PPP2R1B: variants seen among roughly 807,000 people sequenced by gnomAD.
The protein encoded by PPP2R1B is protein phosphatase 2 scaffold subunit Abeta.
PPP2R1B carries 58 observed loss-of-function variants against 72.7 expected under a neutral mutation model. The ratio of observed to expected loss-of-function variants is 0.80; its 90% confidence interval spans 0.65 to 0.99. PPP2R1B has a LOEUF of 0.99. Among genes scored for constraint, PPP2R1B ranks in the 50% least tolerant of loss-of-function variants. PPP2R1B has a pLI of 0.00. For synonymous variants in PPP2R1B, 256 were observed against 264.6 expected, an observed-to-expected ratio of 0.97 and a Z score of 0.32; for missense variants, 695 against 733.6, an observed-to-expected ratio of 0.95 and a Z score of 0.61.
downstream of PPP2R1B, among the ~76,000 whole-genome samples, chr11:111,723,214 C>G (rs1943858372): frequency 6.6e-6 from 1 of 152,188 alleles, no homozygotes; most frequent in South Asian, 2.1e-4. Flanking sequence ...CTAGCCTCTC[C>G]AGAAGGGAAA....
Position 111,739,905 on chromosome 11 carries a change from T to A in PPP2R1B, c.*1691A>T. On this transcript the variant is annotated 3_prime_UTR_variant, in exon 15 of 15. Transcript: ENST00000527614. ...AAATAGAAACTTACTATAAGGTAAT[T>A]TGGCAGTTTAAAATGCAGACAGATA... is the stretch of plus-strand genomic sequence containing the variant. The A allele has an allele frequency of 1.0e-6, 1 of 981,974 alleles. No homozygotes were observed. Among genetic ancestry groups the A allele is most frequent in the Non-Finnish European group, 1.2e-6 (1 of 826,820 alleles). 60.8% of individuals were successfully genotyped at this position (981,974 alleles called of 1,614,324 possible).
chr11:111,738,647 G>A lies in PPP2R1B; in HGVS notation c.*2949C>T. On this transcript the variant is annotated 3_prime_UTR_variant, in exon 15 of 15. Transcript: ENST00000527614. Reference sequence around the variant, plus strand: ...TGGCTGAGCTGTGGTATTTCTGTGAGCTGAGGGCAGCCCGTTATTTCAACA... The same window carrying A: ...TGGCTGAGCTGTGGTATTTCTGTGAACTGAGGGCAGCCCGTTATTTCAACA... The A allele has an allele frequency of 1.0e-6, 1 of 985,438 alleles. No individual in the cohort carries two copies. The highest frequency in any genetic ancestry group is 1.2e-6 in the Non-Finnish European group (1 of 829,952). 61.0% of individuals were successfully genotyped at this position (985,438 alleles called of 1,614,324 possible).
intron 2 of PPP2R1B, 115 bp downstream of exon 2, chr11:111,765,179 G>T: frequency 8.6e-7 from 1 of 1,160,296 alleles, no homozygotes; most frequent in Non-Finnish European, 1.2e-6. Context: ...TGTTTCTTTT[G>T]CACAAAAAAC....
chr11:111,717,926 A>C, the PPP2R1B span, among the ~76,000 whole-genome samples: 1 of 152,248 alleles, frequency 6.6e-6, no homozygotes, highest in South Asian at 2.1e-4. Context: ...TAGGGGGGCA[A>C]TGGGAGGGAG....
intron 3 of PPP2R1B, among the ~76,000 whole-genome samples, chr11:111,764,502 T>C (rs555945573): frequency 9.2e-5 from 14 of 152,238 alleles, no homozygotes; most frequent in Middle Eastern, 3.4e-3. Flanking sequence ...TAGGTGAGAA[T>C]TAAAACTTCC....
chr11:111,745,093 T>C (rs908631121), intron 11 of PPP2R1B, among the ~76,000 whole-genome samples: 9 of 139,386 alleles, frequency 6.5e-5, no homozygotes, highest in African/African-American at 2.4e-4. Flanking sequence ...ACTCTGTCTC[T>C]CAGGCTGGAG....
At chr11:111,704,508 A>C in the PPP2R1B span, among the ~76,000 whole-genome samples, 8 of 152,252 alleles carry the variant, frequency 5.3e-5, no homozygotes, top group African/African-American at 1.9e-4. Flanking sequence ...TCCAGATGCC[A>C]TTCTCCAGCC....
rs1486755468 is a variant in PPP2R1B, at chr11:111,740,219, AAT to A, written c.*1375_*1376del. The A allele has an allele frequency of 1.0e-6, 1 of 985,122 alleles. No individual in the cohort carries two copies. Among genetic ancestry groups the A allele is most frequent in the Admixed American group, 6.2e-5 (1 of 16,260 alleles). The allele number at this position is 985,122 out of a possible 1,614,324, so 61.0% of individuals were successfully genotyped here. On this transcript the variant is annotated 3_prime_UTR_variant, in exon 15 of 15. Coordinates refer to ENST00000527614, the MANE Select transcript of PPP2R1B (RefSeq NM_002716.5). ...ACAAGGTGAGTTTGATTATGTGAAA[AAT>A]AGTTGTTTTTTTTTGAGATGGACTC...
At chr11:111,764,674 G>T in intron 3 of PPP2R1B, 131 bp downstream of exon 3, 1 of 866,022 alleles carries the variant, frequency 1.2e-6, no homozygotes, top group Non-Finnish European at 1.7e-6. Flanking sequence ...TTCTCTCAAT[G>T]ACTAACATTA....
At chr11:111,712,216 G>C in the PPP2R1B span, 2 of 1,614,186 alleles carry the variant, frequency 1.2e-6, no homozygotes, top group Admixed American at 1.7e-5. Flanking sequence ...TACAGGCACA[G>C]ACTGTGGGGC....
At chr11:111,702,925 C>T in the PPP2R1B span, among the ~76,000 whole-genome samples, 1 of 151,920 alleles carries the variant, frequency 6.6e-6, no homozygotes, top group African/African-American at 2.4e-5. Context: ...AAACCAAAGT[C>T]TGTTTCTAGA....
chr11:111,720,960 G>C, the PPP2R1B span: 11 of 1,614,138 alleles, frequency 6.8e-6, no homozygotes, highest in Non-Finnish European at 9.3e-6. Context: ...TTCTAGAGTT[G>C]AACAAAGTGC....
In PPP2R1B at chr11:111,739,241, A is replaced by G. The variant is rs1944439726; in HGVS notation, c.*2355T>C. On this transcript the variant is annotated 3_prime_UTR_variant, in exon 15 of 15. Transcript: ENST00000527614. ...AGACACTGTTCCAGGCACTGGCGAT[A>G]CAGTAGAAGATAAAACAGACAAAAA... The G allele has an allele frequency of 2.1e-6, 2 of 972,298 alleles. No homozygotes were observed. Among genetic ancestry groups the G allele is most frequent in the Non-Finnish European group, 2.4e-6 (2 of 818,142 alleles). The allele number at this position is 972,298 out of a possible 1,614,324, so 60.2% of individuals were successfully genotyped here. A position where few individuals can be genotyped will look rare whatever the true frequency, so the allele number is the denominator to read the frequency against.
At chr11:111,752,080 C>T in intron 10 of PPP2R1B, 79 bp downstream of exon 10, 1 of 1,436,684 alleles carries the variant, frequency 7.0e-7, no homozygotes, top group Non-Finnish European at 9.4e-7. Context: ...AGCATACAGG[C>T]TACTAGGCCT....
the PPP2R1B span, chr11:111,720,827 GTGTGGTCACC>G: frequency 1.9e-6 from 3 of 1,577,734 alleles, no homozygotes; most frequent in Non-Finnish European, 2.6e-6. Context: ...TGCCATGTTG[GTGTGGTCACC>G]TGTGGTCACT....
chr11:111,759,727 A>C, intron 5 of PPP2R1B, 77 bp downstream of exon 5: 1 of 1,457,916 alleles, frequency 6.9e-7, no homozygotes, highest in East Asian at 2.3e-5. Context: ...AAGAAAACTA[A>C]AACTCCCCAA....
At chr11:111,731,758 T>C (rs935032783) in intron 15 of PPP2R1B, among the ~76,000 whole-genome samples, 4 of 152,220 alleles carry the variant, frequency 2.6e-5, no homozygotes, top group Admixed American at 1.3e-4. Flanking sequence ...CTGCTGACAA[T>C]AGCTCAGTTC....
the PPP2R1B span, chr11:111,688,267 G>C: frequency 8.9e-7 from 1 of 1,129,418 alleles, no homozygotes; most frequent in Non-Finnish European, 1.3e-6. The surrounding 1 kb of genome is among the most constrained non-coding windows in gnomAD (Gnocchi z 4.2). Flanking sequence ...TCTACCTGAT[G>C]ACATCAGGCT....
At chr11:111,737,866 G>T, downstream of PPP2R1B, 1 of 1,213,300 alleles carries the variant, frequency 8.2e-7, no homozygotes, top group East Asian at 3.9e-5. Context: ...CCACAGGAAA[G>T]ACCTGGCTCC....
Sources: allele counts gnomAD v4.1 joint callset (sites outside exome capture counted in the v4.1 genomes callset), GRCh38; gene constraint gnomAD v4.1.1; non-coding constraint Gnocchi (gnomAD v3.1); transcripts MANE v1.5; gene names NCBI Gene and HGNC (gene_info 2026-07-23, HGNC 2026-07-21).